ROBO1: variants seen among roughly 807,000 people sequenced by gnomAD.
ROBO1 encodes roundabout homolog 1.
ROBO1 carries 149 observed loss-of-function variants against 195.9 expected under a neutral mutation model. That is an observed-to-expected ratio of 0.76 (90% confidence interval 0.67 to 0.87). The LOEUF (loss-of-function observed/expected upper bound fraction) is 0.87, where lower values mean the gene tolerates loss of function less well. ROBO1 is among the 40% of genes least tolerant of loss of function. The probability of loss-of-function intolerance (pLI) is 0.00; values close to 1 mark genes in which losing one functional copy is unlikely to be tolerated. For synonymous variants in ROBO1, 816 were observed against 733.2 expected (o/e 1.11, Z -1.82); for missense variants, 1,933 against 2,068.3 (o/e 0.93, Z 1.27).
chr3:79,297,520 G>A (rs2032659166), intron 2 of ROBO1, among the ~76,000 whole-genome samples: 1 of 152,074 alleles, frequency 6.6e-6, no homozygotes, highest in South Asian at 2.1e-4. Context: ...TCTGACTTGT[G>A]ACTCACACAA....
At chr3:79,713,213 GTT>G (rs1702344493) in intron 1 of ROBO1, among the ~76,000 whole-genome samples, 1 of 152,012 alleles carries the variant, frequency 6.6e-6, no homozygotes, top group African/African-American at 2.4e-5. Context: ...GATTAATGTT[GTT>G]TTCTGTCTGC....
chr3:79,498,503 T>C (rs1390973333), intron 2 of ROBO1, among the ~76,000 whole-genome samples: 2 of 152,184 alleles, frequency 1.3e-5, no homozygotes. Flanking sequence ...AATTCGACAG[T>C]ATACCTTGTC....
intron 2 of ROBO1, among the ~76,000 whole-genome samples, chr3:79,439,331 A>C (rs115141096): frequency 0.011 from 1,628 of 152,230 alleles, 30 homozygotes; most frequent in African/African-American, 0.037. Context: ...TAGGGGAAAA[A>C]TGTTTCACAG....
At chr3:79,456,992 A>G (rs2039638414) in intron 2 of ROBO1, among the ~76,000 whole-genome samples, 1 of 152,186 alleles carries the variant, frequency 6.6e-6, no homozygotes, top group African/African-American at 2.4e-5. Flanking sequence ...AAGACCTACA[A>G]ATAACAGCTT....
intron 2 of ROBO1, among the ~76,000 whole-genome samples, chr3:79,576,966 C>T (rs769919388): frequency 1.3e-5 from 2 of 152,074 alleles, no homozygotes; most frequent in Non-Finnish European, 2.9e-5. Flanking sequence ...CTGAATTGGC[C>T]CACCTATCCT....
At chr3:79,267,352 T>A (rs1490490030) in intron 2 of ROBO1, among the ~76,000 whole-genome samples, 1 of 151,514 alleles carries the variant, frequency 6.6e-6, no homozygotes, top group Non-Finnish European at 1.5e-5. Flanking sequence ...CAAACCCATT[T>A]TAGAACAGAA....
intron 2 of ROBO1, among the ~76,000 whole-genome samples, chr3:79,581,089 A>G (rs1943645875): frequency 6.6e-6 from 1 of 152,190 alleles, no homozygotes; most frequent in African/African-American, 2.4e-5. Context: ...AGTTGAATGA[A>G]GTAATGACAG....
intron 29 of ROBO1, 77 bp from the exon 30 acceptor site, chr3:78,600,386 C>A: frequency 1.1e-6 from 1 of 921,472 alleles, no homozygotes; most frequent in Admixed American, 2.2e-5. Context: ...TCCTGTCTAT[C>A]TGTAATTCTG....
chr3:78,971,519 A>G (rs1443251282), intron 3 of ROBO1, among the ~76,000 whole-genome samples: 4 of 152,192 alleles, frequency 2.6e-5, no homozygotes, highest in Admixed American at 2.0e-4. Context: ...GATACACAGA[A>G]AAGGAGGTCT....
At chr3:79,353,428 CA>C in intron 2 of ROBO1, among the ~76,000 whole-genome samples, 1 of 151,828 alleles carries the variant, frequency 6.6e-6, no homozygotes, top group Non-Finnish European at 1.5e-5. Flanking sequence ...CACACACACA[CA>C]CGCACAGAAG....
intron 1 of ROBO1, among the ~76,000 whole-genome samples, chr3:79,713,448 A>T (rs945902154): frequency 2.0e-5 from 3 of 152,132 alleles, no homozygotes; most frequent in Non-Finnish European, 4.4e-5. Flanking sequence ...ACATGAACAA[A>T]GGTTTGGAAG....
chr3:79,048,622 C>T (rs1009861859), intron 3 of ROBO1, among the ~76,000 whole-genome samples: 5 of 152,210 alleles, frequency 3.3e-5, no homozygotes, highest in South Asian at 4.1e-4. Context: ...TTCACTCTTT[C>T]GTATGAATAA....
chr3:79,250,792 A>G (rs1297206480), intron 2 of ROBO1, among the ~76,000 whole-genome samples: 2 of 152,202 alleles, frequency 1.3e-5, no homozygotes, highest in Non-Finnish European at 2.9e-5. Flanking sequence ...GCGTTGGCTC[A>G]CACCTGTAGT....
intron 8 of ROBO1, 79 bp downstream of exon 8, chr3:78,714,318 T>C (rs1040689039): frequency 5.4e-5 from 77 of 1,414,404 alleles, no homozygotes; most frequent in Non-Finnish European, 7.1e-5. Context: ...CATAGCCCTA[T>C]ACATAATATT....
At chr3:79,012,403 G>C (rs1156296877) in intron 3 of ROBO1, among the ~76,000 whole-genome samples, 3 of 152,146 alleles carry the variant, frequency 2.0e-5, no homozygotes, top group Non-Finnish European at 4.4e-5. Context: ...AGCCCAGATA[G>C]ACTATTTAGT....
At chr3:78,753,250 G>T (rs1223110925) in intron 4 of ROBO1, among the ~76,000 whole-genome samples, 1 of 152,182 alleles carries the variant, frequency 6.6e-6, no homozygotes, top group African/African-American at 2.4e-5. Flanking sequence ...TCTGCAATCT[G>T]CTGGGCTGTA....
At chr3:79,662,622 T>C (rs951069960) in intron 1 of ROBO1, among the ~76,000 whole-genome samples, 4 of 152,102 alleles carry the variant, frequency 2.6e-5, no homozygotes, top group Non-Finnish European at 5.9e-5. Context: ...GATCAAAAAC[T>C]TGCCATTTGA....
chr3:79,746,402 A>C (rs1248356615), intron 1 of ROBO1, among the ~76,000 whole-genome samples: 1 of 152,078 alleles, frequency 6.6e-6, no homozygotes, highest in Admixed American at 6.5e-5. Flanking sequence ...TGGCCACTTT[A>C]CTGATACAGT....
At chr3:78,763,627 G>A (rs1314184334) in intron 4 of ROBO1, among the ~76,000 whole-genome samples, 1 of 151,938 alleles carries the variant, frequency 6.6e-6, no homozygotes, top group Non-Finnish European at 1.5e-5. Context: ...TTAATCTCTT[G>A]CCTTTCATTT....
Sources: gnomAD v4.1 joint callset for allele counts (sites outside exome capture counted in the v4.1 genomes callset) on GRCh38, gnomAD v4.1.1 for gene constraint, MANE v1.5 for transcripts, NCBI Gene and HGNC (gene_info 2026-07-23, HGNC 2026-07-21) for gene names.